The following VTCN1 variants were observed in gnomAD, a reference collection of about 807,000 sequenced individuals.
VTCN1 encodes V-set domain containing T cell activation inhibitor 1.
VTCN1 carries 26 observed loss-of-function variants against 26.5 expected under a neutral mutation model. The ratio of observed to expected loss-of-function variants is 0.98; its 90% CI spans 0.72 to 1.36. VTCN1 has a LOEUF of 1.36. Among genes scored for constraint, VTCN1 ranks in the 40% most tolerant of loss-of-function variants. The pLI is 0.00. For missense variants in VTCN1, 298 were observed against 337.7 expected, an observed-to-expected ratio of 0.88 and a Z score of 0.92; for synonymous variants, 116 against 130.7, an observed-to-expected ratio of 0.89 and a Z score of 0.77.
chr1:117,167,390 T>C lies in VTCN1; in HGVS notation c.97+2717A>G, dbSNP rs902615917. 5.9e-5 allele frequency among the ~76,000 whole-genome samples: 9 copies of C among 152,192 alleles called. No homozygotes were observed. Among genetic ancestry groups the C allele is most frequent in the African/African-American group, 9.7e-5 (4 of 41,442 alleles). Reference sequence around the variant, plus strand: ...TGTCCCCAAAGGTAATAAGAACCATTATTCTACCTTTGACCAGCAGAGATC... The same window carrying C: ...TGTCCCCAAAGGTAATAAGAACCATCATTCTACCTTTGACCAGCAGAGATC... On this transcript the variant is annotated intron_variant, in intron 2 of 5. Transcript: ENST00000369458. The surrounding 1 kb of genome is among the most constrained non-coding windows in gnomAD (Gnocchi z 4.1).
intron 1 of VTCN1, among the ~76,000 whole-genome samples, chr1:117,192,138 A>C (rs1190032502): frequency 1.3e-5 from 2 of 152,152 alleles, no homozygotes; most frequent in Non-Finnish European, 2.9e-5. Flanking sequence ...CAGAATTTTG[A>C]AAGCAGCAGG....
At chr1:117,204,603 A>G (rs1405302359) in intron 1 of VTCN1, among the ~76,000 whole-genome samples, 1 of 152,122 alleles carries the variant, frequency 6.6e-6, no homozygotes, top group East Asian at 1.9e-4. Context: ...GCGGTGGCTC[A>G]CGCCTGTAAT....
At chr1:117,168,855 A>G (rs1187829923) in intron 2 of VTCN1, among the ~76,000 whole-genome samples, 5 of 152,140 alleles carry the variant, frequency 3.3e-5, no homozygotes, top group Non-Finnish European at 7.3e-5. Context: ...TCAGCCTCCC[A>G]TAGTGCTGGG....
At position 117,200,240 on chromosome 1, in the gene VTCN1, T is replaced by C. The variant is rs150462685; in HGVS notation, c.32+10584A>G. Reference sequence around the variant, plus strand: ...ACAACATAGGGAGACTCTGTCTCTATAATAAATAAAGTGGCTAGGCATGGT... The same window carrying C: ...ACAACATAGGGAGACTCTGTCTCTACAATAAATAAAGTGGCTAGGCATGGT... On this transcript the variant is annotated intron_variant, in intron 1 of 5. Coordinates refer to ENST00000369458, the MANE Select transcript of VTCN1 (RefSeq NM_024626.4). 1.1e-3 allele frequency among the ~76,000 whole-genome samples: 168 copies of C among 152,166 alleles called. 4 individuals are homozygous for C. The East Asian group carries it at 0.018, about 16-fold the overall frequency.
intron 1 of VTCN1, chr1:117,172,505 A>C: frequency 1.9e-6 from 1 of 518,556 alleles, no homozygotes; most frequent in South Asian, 1.4e-5. Flanking sequence ...GACTACTGAC[A>C]CAGGCAGCCG....
Position 117,183,301 on chromosome 1 carries a change from C to T in VTCN1, c.33-13130G>A, listed in dbSNP as rs1175164975. Among the ~76,000 whole-genome samples, 2 of 152,146 alleles carry T rather than the reference C, an allele frequency of 1.3e-5. No homozygotes were observed. The highest frequency in any genetic ancestry group is 2.9e-5 in the Non-Finnish European group (2 of 68,034). ...TACCAAATGCTTGTTGAATAAATGC[C>T]CCACCTTACAGACTGCTTCCCTTGG... On this transcript the variant is annotated intron_variant, in intron 1 of 5. Coordinates refer to ENST00000369458, the MANE Select transcript of VTCN1 (RefSeq NM_024626.4). The surrounding 1 kb of genome is among the most constrained non-coding windows in gnomAD (Gnocchi z 4.1).
chr1:117,173,149 A>G, intron 1 of VTCN1: 1 of 714,834 alleles, frequency 1.4e-6, no homozygotes, highest in South Asian at 1.5e-5. Context: ...GGAACAAACA[A>G]CTCCGGACGC....
Position 117,161,557 on chromosome 1 carries a change from C to T in VTCN1, c.98-4636G>A, listed in dbSNP as rs543036169. 2.0e-5 allele frequency among the ~76,000 whole-genome samples: 3 copies of T among 152,232 alleles called. No homozygotes were observed. The highest frequency in any genetic ancestry group is 4.4e-5 in the Non-Finnish European group (3 of 68,018). On this transcript the variant is annotated intron_variant, in intron 2 of 5. Coordinates refer to ENST00000369458, the MANE Select transcript of VTCN1 (RefSeq NM_024626.4). The surrounding 1 kb of genome is among the most constrained non-coding windows in gnomAD (Gnocchi z 4.3). ...TTTCAAGAGCAGAAACTGTCTTAAT[C>T]CTATCTGTAAGTCCTGTAGTGCCTA...
At chr1:117,174,575 C>T (rs1369004621) in intron 1 of VTCN1, among the ~76,000 whole-genome samples, 3 of 151,992 alleles carry the variant, frequency 2.0e-5, no homozygotes, top group East Asian at 1.9e-4. Context: ...AAGACCAGCC[C>T]GGCCAACATG....
chr1:117,170,332 AG>A (rs1652841809), intron 1 of VTCN1, 161 bp from the exon 2 acceptor site: 1 of 748,628 alleles, frequency 1.3e-6, no homozygotes, highest in African/African-American at 1.7e-5. Flanking sequence ...TACCTTAGAA[AG>A]GAATTTCAGC....
chr1:117,190,763 C>T (rs1020683816), intron 1 of VTCN1, among the ~76,000 whole-genome samples: 1 of 152,198 alleles, frequency 6.6e-6, no homozygotes, highest in African/African-American at 2.4e-5. Context: ...AGGGAACTGA[C>T]AGGCAAATGT....
rs772200889 is a variant in VTCN1, at chr1:117,147,748, C to T, written c.759G>A (p.Leu253=). The T allele has an allele frequency of 9.3e-6, 15 of 1,613,858 alleles. No individual in the cohort carries two copies. The highest frequency in any genetic ancestry group is 2.7e-5 in the African/African-American group (2 of 74,908). The change falls in exon 5 of 6, where the codon CTG becomes CTA. Residue 253 remains leucine, a synonymous_variant. Transcript: ENST00000369458. The surrounding 1 kb of genome is among the most constrained non-coding windows in gnomAD (Gnocchi z 4.6). ...SEIKRRSHLQ[L]LNSKASLCVS... ...CACACAGAGAAGCCTTTGAGTTTAG[C>T]AGCTGTAGGTGACTCCGCCTTTTGA... is the stretch of plus-strand genomic sequence containing the variant.
At chr1:117,206,353 A>G (rs1649074571) in intron 1 of VTCN1, among the ~76,000 whole-genome samples, 1 of 152,186 alleles carries the variant, frequency 6.6e-6, no homozygotes, top group Admixed American at 6.5e-5. Flanking sequence ...ACCAAGAACC[A>G]TGGATTGTAG....
rs1315949731 is a variant in VTCN1, at chr1:117,175,673, G to A, written c.33-5502C>T. Among the ~76,000 whole-genome samples, 4 of 151,892 alleles carry A rather than the reference G, an allele frequency of 2.6e-5. No homozygotes were observed. The highest frequency in any genetic ancestry group is 4.4e-5 in the Non-Finnish European group (3 of 68,008). On this transcript the variant is annotated intron_variant, in intron 1 of 5. Coordinates refer to ENST00000369458, the MANE Select transcript of VTCN1 (RefSeq NM_024626.4). The surrounding 1 kb of genome is among the most constrained non-coding windows in gnomAD (Gnocchi z 4.2). Reference sequence around the variant, plus strand: ...TTTTGCAACCACACATGAGCTCATTGATGCTATAGAAACATATACTGCAGC... The same window carrying A: ...TTTTGCAACCACACATGAGCTCATTAATGCTATAGAAACATATACTGCAGC...
intron 4 of VTCN1, among the ~76,000 whole-genome samples, chr1:117,151,811 C>T (rs1651814787): frequency 1.3e-5 from 2 of 152,062 alleles, no homozygotes; most frequent in African/African-American, 4.8e-5. Flanking sequence ...ACAGTCCCAC[C>T]AACAGTGCAT....
chr1:117,152,411 T>C (rs1335511681), intron 4 of VTCN1, among the ~76,000 whole-genome samples: 1 of 152,146 alleles, frequency 6.6e-6, no homozygotes, highest in Non-Finnish European at 1.5e-5. Context: ...GGAAGGATGG[T>C]CTTAAAAGTC....
chr1:117,154,639 C>T (rs760429129), intron 3 of VTCN1, among the ~76,000 whole-genome samples: 4 of 151,820 alleles, frequency 2.6e-5, no homozygotes, highest in Non-Finnish European at 4.4e-5. Flanking sequence ...CAAAATTAGC[C>T]GGCTGTGGAG....
At chr1:117,153,502 T>A in intron 3 of VTCN1, 133 bp from the exon 4 acceptor site, 1 of 999,912 alleles carries the variant, frequency 1.0e-6, no homozygotes, top group Non-Finnish European at 1.4e-6. Context: ...CACTCAGTAC[T>A]TCCTCAGAGG....
chr1:117,162,057 C>T (rs2101487305), intron 2 of VTCN1, among the ~76,000 whole-genome samples: 1 of 152,210 alleles, frequency 6.6e-6, no homozygotes, highest in African/African-American at 2.4e-5. Context: ...AAGTAGGCAG[C>T]TGTGGAATGC....
Sources: gnomAD v4.1 joint callset for allele counts (sites outside exome capture counted in the v4.1 genomes callset) on GRCh38, gnomAD v4.1.1 for gene constraint, Gnocchi (gnomAD v3.1) non-coding constraint, MANE v1.5 for transcripts, NCBI Gene and HGNC (gene_info 2026-07-23, HGNC 2026-07-21) for gene names.